The following PKP2 variants were observed in gnomAD, a reference collection of about 807,000 sequenced individuals.
PKP2 encodes the protein plakophilin-2.
Under a neutral mutation model 83.4 loss-of-function variants are expected in PKP2, and 73 were observed. The observed-to-expected ratio is 0.88, with a 90% confidence interval of 0.72 to 1.06. The LOEUF is 1.06. PKP2 is among the 50% of genes least tolerant of loss of function. PKP2 has a pLI of 0.00. For missense variants in PKP2, 966 were observed against 1,065.4 expected (o/e 0.91, Z 1.30); for synonymous variants, 409 against 430.4 (o/e 0.95, Z 0.62).
intron 1 of PKP2, chr12:32,894,374 A>C (rs1353684164): frequency 6.6e-6 from 1 of 152,156 alleles, no homozygotes; most frequent in Non-Finnish European, 1.5e-5. Flanking sequence ...TTAATTCAGC[A>C]CCTGCACAGC....
At chr12:32,848,151 G>A (rs1956664681) in intron 5 of PKP2, among the ~76,000 whole-genome samples, 1 of 152,282 alleles carries the variant, frequency 6.6e-6, no homozygotes, top group African/African-American at 2.4e-5. Context: ...GGTAGGGCGC[G>A]GTGGCTCACG....
intron 6 of PKP2, among the ~76,000 whole-genome samples, chr12:32,826,130 C>T (rs1041173330): frequency 5.3e-5 from 8 of 151,784 alleles, no homozygotes; most frequent in Middle Eastern, 3.4e-3. Flanking sequence ...GGTGAAAACC[C>T]GTCTCTACTA....
intron 3 of PKP2, among the ~76,000 whole-genome samples, chr12:32,876,607 G>T (rs893787957): frequency 6.6e-6 from 1 of 151,796 alleles, no homozygotes; most frequent in African/African-American, 2.4e-5. Flanking sequence ...TTGGCTCACT[G>T]CAACCTCCAT....
At chr12:32,844,626 G>A (rs1008780981) in intron 5 of PKP2, among the ~76,000 whole-genome samples, 3 of 152,294 alleles carry the variant, frequency 2.0e-5, no homozygotes, top group African/African-American at 7.2e-5. Flanking sequence ...AGAGAGCTTT[G>A]AAGAAAACAG....
intron 5 of PKP2, among the ~76,000 whole-genome samples, chr12:32,842,117 T>C (rs1312575902): frequency 6.6e-6 from 1 of 152,104 alleles, no homozygotes; most frequent in Non-Finnish European, 1.5e-5. Flanking sequence ...GGCATATACG[T>C]TTAGGATTTT....
intron 5 of PKP2, chr12:32,843,448 G>A (rs1956619110): frequency 1.7e-6 from 1 of 592,368 alleles, no homozygotes; most frequent in Non-Finnish European, 3.0e-6. Flanking sequence ...TTAAAGCTTG[G>A]TAATTACTCA....
chr12:32,888,704 G>A (rs1957052466), intron 1 of PKP2, among the ~76,000 whole-genome samples: 1 of 151,394 alleles, frequency 6.6e-6, no homozygotes, highest in Non-Finnish European at 1.5e-5. Flanking sequence ...TGTTGATCAG[G>A]CTAGTCTCAA....
At position 32,882,354 on chromosome 12, in the gene PKP2, T is replaced by C. The variant is rs1956994084; in HGVS notation, c.224-3322A>G. ...TGATGAAAGCAGGCAATTTTAGGAA[T>C]TCAAGAAAAACTCTGTAAATCAGCC... On this transcript the variant is annotated intron_variant, in intron 1 of 12. Transcript: ENST00000340811. Among the ~76,000 whole-genome samples, 6 of 152,224 alleles carry C rather than the reference T, an allele frequency of 3.9e-5. No homozygotes were observed. In the South Asian group the frequency reaches 1.3e-3, roughly 32 times the overall value.
At chr12:32,835,384 T>C (rs990336024) in intron 6 of PKP2, among the ~76,000 whole-genome samples, 8 of 152,108 alleles carry the variant, frequency 5.3e-5, no homozygotes, top group Non-Finnish European at 1.5e-5. Flanking sequence ...TCTAAGCCTA[T>C]TATATAAATA....
At chr12:32,887,569 T>C (rs1957040714) in intron 1 of PKP2, among the ~76,000 whole-genome samples, 1 of 152,204 alleles carries the variant, frequency 6.6e-6, no homozygotes, top group African/African-American at 2.4e-5. Flanking sequence ...TTCTTGTGCC[T>C]CAGCCTTCCG....
intron 6 of PKP2, among the ~76,000 whole-genome samples, chr12:32,837,855 C>T (rs1956556550): frequency 6.6e-6 from 1 of 152,048 alleles, no homozygotes. Flanking sequence ...CTTCTTCTTC[C>T]CACAAAAATT....
chr12:32,849,766 G>A (rs1010383013), intron 5 of PKP2, among the ~76,000 whole-genome samples: 2 of 152,068 alleles, frequency 1.3e-5, no homozygotes, highest in African/African-American at 4.8e-5. Context: ...GCTCCAATCA[G>A]TATTTGAACA....
At chr12:32,869,862 A>G (rs900373301) in intron 3 of PKP2, among the ~76,000 whole-genome samples, 1 of 151,988 alleles carries the variant, frequency 6.6e-6, no homozygotes, top group African/African-American at 2.4e-5. Context: ...TTTACAAAAA[A>G]CAAACAGACA....
chr12:32,849,067 C>A (rs1956674282), intron 5 of PKP2, among the ~76,000 whole-genome samples: 1 of 150,080 alleles, frequency 6.7e-6, no homozygotes, highest in South Asian at 2.1e-4. Flanking sequence ...GTTTCCTCAT[C>A]TGTAAAATTG....
chr12:32,855,091 T>C (rs947084366), intron 4 of PKP2, among the ~76,000 whole-genome samples: 1 of 152,244 alleles, frequency 6.6e-6, no homozygotes, highest in Non-Finnish European at 1.5e-5. Flanking sequence ...CAAGTGGCAA[T>C]ATGTGTCAAA....
intron 9 of PKP2, among the ~76,000 whole-genome samples, chr12:32,814,934 A>G (rs1956306986): frequency 1.3e-5 from 2 of 152,102 alleles, no homozygotes; most frequent in African/African-American, 4.8e-5. Flanking sequence ...TAAAAAAAAA[A>G]AAATTCCAAT....
At chr12:32,792,605 C>T (rs765208415) in intron 12 of PKP2, 39 bp downstream of exon 12, 4 of 1,578,366 alleles carry the variant, frequency 2.5e-6, no homozygotes, top group South Asian at 1.1e-5. Context: ...TATTACCTGG[C>T]TCTGTTAACT....
chr12:32,823,422 C>CA (rs34680115), intron 7 of PKP2, among the ~76,000 whole-genome samples: 14,334 of 84,076 alleles, frequency 0.17, 2,070 homozygotes, highest in East Asian at 0.52. Context: ...ACTCTGCCTC[C>CA]AAAAAAAAAA....
intron 1 of PKP2, among the ~76,000 whole-genome samples, chr12:32,880,505 C>A (rs1322857881): frequency 1.3e-5 from 2 of 152,176 alleles, no homozygotes; most frequent in South Asian, 2.1e-4. Flanking sequence ...TATTTGGCAA[C>A]AGGAGAGTTA....
Sources: allele counts gnomAD v4.1 joint callset (sites outside exome capture counted in the v4.1 genomes callset), GRCh38; gene constraint gnomAD v4.1.1; transcripts MANE v1.5; gene names NCBI Gene and HGNC (gene_info 2026-07-23, HGNC 2026-07-21).